Variants in REDIC1 observed in about 807,000 individuals in gnomAD.
REDIC1 encodes the protein regulator of DNA class I crossover intermediates 1, also known as HEI10 Interacting Protein 1.
the REDIC1 span, among the ~76,000 whole-genome samples, chr12:39,666,726 T>G: frequency 6.6e-6 from 1 of 152,150 alleles, no homozygotes; most frequent in South Asian, 2.1e-4. Flanking sequence ...AGCTATTAAT[T>G]ATTGCCTCAA....
At chr12:39,809,952 G>A in the REDIC1 span, among the ~76,000 whole-genome samples, 1 of 152,142 alleles carries the variant, frequency 6.6e-6, no homozygotes, top group African/African-American at 2.4e-5. Flanking sequence ...ATTGTGAATA[G>A]TGCCGCAATA....
chr12:39,641,994 T>C, the REDIC1 span, among the ~76,000 whole-genome samples: 2 of 151,826 alleles, frequency 1.3e-5, no homozygotes, highest in Non-Finnish European at 2.9e-5. Context: ...AGCAAATTCT[T>C]TCTGATCTTT....
chr12:39,708,623 G>A, the REDIC1 span, among the ~76,000 whole-genome samples: 1 of 151,650 alleles, frequency 6.6e-6, no homozygotes, highest in Non-Finnish European at 1.5e-5. Flanking sequence ...ATCAGTCCAA[G>A]TTTTAAAAAT....
chr12:39,690,187 T>C, the REDIC1 span, among the ~76,000 whole-genome samples: 1 of 152,118 alleles, frequency 6.6e-6, no homozygotes, highest in Admixed American at 6.5e-5. Flanking sequence ...TAGATTCTGC[T>C]GAGGAAGAAT....
At chr12:39,696,719 A>C in the REDIC1 span, among the ~76,000 whole-genome samples, 1 of 152,050 alleles carries the variant, frequency 6.6e-6, no homozygotes, top group African/African-American at 2.4e-5. Context: ...CAAATTTAAC[A>C]AAGAGATTGA....
At chr12:39,726,074 A>G in the REDIC1 span, among the ~76,000 whole-genome samples, 1 of 151,846 alleles carries the variant, frequency 6.6e-6, no homozygotes, top group Non-Finnish European at 1.5e-5. Flanking sequence ...CAGCAAAACT[A>G]TTTTTCCCAG....
chr12:39,833,371 A>C, the REDIC1 span, among the ~76,000 whole-genome samples: 1 of 151,674 alleles, frequency 6.6e-6, no homozygotes, highest in Non-Finnish European at 1.5e-5. Flanking sequence ...TAACTTCCTT[A>C]CTCCAAGAAC....
At chr12:39,684,677 AAC>A in the REDIC1 span, among the ~76,000 whole-genome samples, 1 of 152,172 alleles carries the variant, frequency 6.6e-6, no homozygotes, top group South Asian at 2.1e-4. Flanking sequence ...AGTGATTTTA[AAC>A]TATAGAATAC....
chr12:39,743,317 G>A, the REDIC1 span, among the ~76,000 whole-genome samples: 1 of 151,988 alleles, frequency 6.6e-6, no homozygotes, highest in Non-Finnish European at 1.5e-5. Context: ...CAGGCCAGGG[G>A]CACCAGCTCA....
At chr12:39,901,201 T>C in the REDIC1 span, among the ~76,000 whole-genome samples, 2 of 152,280 alleles carry the variant, frequency 1.3e-5, no homozygotes, top group African/African-American at 4.8e-5. Flanking sequence ...CAAGATGGAT[T>C]AAAGACTTAA....
At chr12:39,860,908 A>G in the REDIC1 span, among the ~76,000 whole-genome samples, 2 of 152,130 alleles carry the variant, frequency 1.3e-5, no homozygotes, top group African/African-American at 4.8e-5. Flanking sequence ...AGAATTCAAA[A>G]TGTGGTCAAG....
the REDIC1 span, among the ~76,000 whole-genome samples, chr12:39,849,324 C>T: frequency 4.6e-5 from 7 of 152,076 alleles, no homozygotes; most frequent in Non-Finnish European, 8.8e-5. Context: ...CACACTGGTT[C>T]CTCCAAGTTA....
the REDIC1 span, among the ~76,000 whole-genome samples, chr12:39,744,100 CA>C: frequency 2.7e-5 from 4 of 149,472 alleles, no homozygotes; most frequent in Non-Finnish European, 6.0e-5. Context: ...AGATCCAAAG[CA>C]AAAAAAAAGC....
chr12:39,631,754 C>A, the REDIC1 span, among the ~76,000 whole-genome samples: 2 of 152,066 alleles, frequency 1.3e-5, no homozygotes, highest in Admixed American at 1.3e-4. Flanking sequence ...GTGAATTATG[C>A]AGAGTGTTGA....
the REDIC1 span, among the ~76,000 whole-genome samples, chr12:39,717,602 A>T: frequency 6.6e-6 from 1 of 152,006 alleles, no homozygotes. Flanking sequence ...AGAGGCAGGC[A>T]CACTTGGTGT....
the REDIC1 span, among the ~76,000 whole-genome samples, chr12:39,701,662 A>C: frequency 8.8e-4 from 134 of 152,342 alleles, no homozygotes; most frequent in Non-Finnish European, 1.6e-3. Flanking sequence ...CATGACACCT[A>C]TTCCAAAATT....
At chr12:39,849,118 C>G in the REDIC1 span, among the ~76,000 whole-genome samples, 1 of 152,022 alleles carries the variant, frequency 6.6e-6, no homozygotes, top group Non-Finnish European at 1.5e-5. Context: ...CAACAAGCCC[C>G]TGTGACATGT....
the REDIC1 span, among the ~76,000 whole-genome samples, chr12:39,649,281 T>C: frequency 6.6e-6 from 1 of 151,796 alleles, no homozygotes; most frequent in Non-Finnish European, 1.5e-5. Context: ...TGGAGGAATT[T>C]CAAAAAAAGT....
chr12:39,717,210 G>A, the REDIC1 span, among the ~76,000 whole-genome samples: 1 of 151,042 alleles, frequency 6.6e-6, no homozygotes, highest in South Asian at 2.1e-4. Flanking sequence ...GAACAATGCA[G>A]GGGTTAGGGA....
Sources: allele counts gnomAD v4.1 joint callset (sites outside exome capture counted in the v4.1 genomes callset), GRCh38; gene constraint gnomAD v4.1.1; transcripts MANE v1.5; gene names NCBI Gene and HGNC (gene_info 2026-07-23, HGNC 2026-07-21).